The following SMYD4 variants were observed in gnomAD, a reference collection of about 807,000 sequenced individuals.
SMYD4 encodes protein-lysine N-methyltransferase SMYD4.
In SMYD4, 68 loss-of-function variants were observed where a neutral mutation model predicts 72.8. The observed-to-expected ratio is 0.93, with a 90% CI of 0.77 to 1.14. SMYD4 has a LOEUF of 1.14. Ranked by LOEUF, SMYD4 falls within the 50% of genes most tolerant of loss-of-function variation. The pLI, the probability that SMYD4 is intolerant of heterozygous loss-of-function variation, is 0.00. For synonymous variants in SMYD4, 407 were observed against 388.6 expected, an observed-to-expected ratio of 1.05 and a Z score of -0.56; for missense variants, 984 against 1,003.7, an observed-to-expected ratio of 0.98 and a Z score of 0.27.
intron 7 of SMYD4, among the ~76,000 whole-genome samples, chr17:1,785,931 C>T (rs1013469196): frequency 6.6e-6 from 1 of 152,192 alleles, no homozygotes; most frequent in African/African-American, 2.4e-5. Flanking sequence ...GGGAAACCTC[C>T]GAGGTGGACA....
In SMYD4 at chr17:1,829,857, C is replaced by T. The variant is rs1009426847; in HGVS notation, c.-144G>A. The stretch of plus-strand genomic sequence containing the variant: ...CCCCTTGGCGCCCCGCTCCGCCCCG[C>T]ACCGCGTCCGGCGTCCCGCGCCAGG... On this transcript the variant is annotated 5_prime_UTR_variant, in exon 1 of 11. Coordinates refer to ENST00000305513, the MANE Select transcript of SMYD4 (RefSeq NM_052928.3). 2.4e-5 allele frequency: 8 copies of T among 336,498 alleles called. No homozygotes were observed. Among genetic ancestry groups the T allele is most frequent in the African/African-American group, 1.7e-4 (8 of 46,094 alleles). 20.8% of individuals were successfully genotyped at this position (336,498 alleles called of 1,614,324 possible).
At chr17:1,781,612 GA>G (rs1373884996) in intron 10 of SMYD4, 173 bp from the exon 11 acceptor site, 2 of 600,440 alleles carry the variant, frequency 3.3e-6, no homozygotes, top group Non-Finnish European at 5.2e-6. Context: ...AAAAGTGTGA[GA>G]AAACAGTTAT....
At chr17:1,785,492 C>T (rs1436053174) in intron 7 of SMYD4, among the ~76,000 whole-genome samples, 1 of 150,910 alleles carries the variant, frequency 6.6e-6, no homozygotes, top group Non-Finnish European at 1.5e-5. Flanking sequence ...GTGGCTCACG[C>T]CTGTAATCCC....
intron 2 of SMYD4, among the ~76,000 whole-genome samples, chr17:1,822,450 T>C (rs1910945838): frequency 6.6e-6 from 1 of 152,172 alleles, no homozygotes; most frequent in African/African-American, 2.4e-5. Flanking sequence ...AGGCATCTGG[T>C]CTACATAGTT....
intron 2 of SMYD4, among the ~76,000 whole-genome samples, chr17:1,827,308 T>C (rs1911234014): frequency 1.3e-5 from 2 of 148,868 alleles, no homozygotes; most frequent in South Asian, 4.2e-4. Flanking sequence ...CACTGCACTC[T>C]AGCCTGGGTG....
At chr17:1,784,525 A>T (rs1908548775) in intron 7 of SMYD4, 64 bp from the exon 8 acceptor site, 1 of 1,597,178 alleles carries the variant, frequency 6.3e-7, no homozygotes, top group African/African-American at 1.3e-5. Flanking sequence ...GCCTGTGCTT[A>T]CATTACAGGA....
In SMYD4 at chr17:1,787,570, C is replaced by G; in HGVS notation, c.1572G>C (p.Gln524His). 1.3e-6 allele frequency: 2 copies of G among 1,595,288 alleles called. No homozygotes were observed. The highest frequency in any genetic ancestry group is 1.7e-6 in the Non-Finnish European group (2 of 1,171,084). ...GGAAGATGCCTGTGGCAAGGCGCAC[C>G]TGCCTGCTGTCGGTAACGATGCTCC... ...PKGSIVTDSR[Q>H]VRLATGIFPV... The change falls in exon 6 of 11, where the codon CAG becomes CAC. Residue 524 changes from glutamine (Q) to histidine (H), a missense_variant. Physicochemically the swap from Gln to His is conservative, Grantham distance 24 (BLOSUM62 0). Transcript: ENST00000305513.
chr17:1,789,755 ACT>A (rs1320749266), intron 5 of SMYD4, among the ~76,000 whole-genome samples: 6 of 148,458 alleles, frequency 4.0e-5, no homozygotes, highest in African/African-American at 1.0e-4. Flanking sequence ...AAAGAGCGAG[ACT>A]CTGTCTCAAA....
chr17:1,786,902 C>A lies in SMYD4; in HGVS notation c.1792G>T (p.Ala598Ser), dbSNP rs375624525. Residue 598 changes from alanine to serine, a missense_variant, in exon 7 of 11, where the codon GCC becomes TCC. By Grantham distance (99) the Ala-to-Ser change is moderately conservative. Transcript: ENST00000305513. ...KLRSQYFFDCACPACQTEAHR... is the reference protein window; with the variant it reads ...KLRSQYFFDCSCPACQTEAHR... ...GCCTCAGTTTGACAAGCTGGACAGG[C>A]GCAGTCAAAGAAATACTGAGACCTC... 1.2e-6 allele frequency: 2 copies of A among 1,614,218 alleles called. No homozygotes were observed. The highest frequency in any genetic ancestry group is 2.2e-5 in the East Asian group (1 of 44,890).
intron 5 of SMYD4, among the ~76,000 whole-genome samples, chr17:1,795,194 G>A (rs374959960): frequency 4.0e-5 from 6 of 148,754 alleles, no homozygotes; most frequent in Admixed American, 1.3e-4. Flanking sequence ...TTCCCAGTGG[G>A]TGGGGTCTTG....
At chr17:1,789,248 C>T (rs1161092335) in intron 5 of SMYD4, among the ~76,000 whole-genome samples, 11 of 152,012 alleles carry the variant, frequency 7.2e-5, no homozygotes, top group Non-Finnish European at 2.9e-5. Context: ...ATTAGCTGGG[C>T]ATGGTGGCAT....
At chr17:1,804,345 C>T (rs1167403288) in intron 4 of SMYD4, 1 of 305,072 alleles carries the variant, frequency 3.3e-6, no homozygotes, top group Non-Finnish European at 6.5e-6. Flanking sequence ...TAATTTTTAT[C>T]CCTGTATTTT....
At chr17:1,804,581 G>T in intron 4 of SMYD4, 45 bp downstream of exon 4, 2 of 1,548,340 alleles carry the variant, frequency 1.3e-6, no homozygotes, top group Non-Finnish European at 1.8e-6. Flanking sequence ...CCAGTAAGAA[G>T]CCCTCCGGAT....
intron 2 of SMYD4, 113 bp downstream of exon 2, chr17:1,827,747 GA>G: frequency 7.4e-7 from 1 of 1,353,220 alleles, no homozygotes. Flanking sequence ...ACCAGCCTGG[GA>G]AACAAGCAAG....
rs763213960 is a variant in SMYD4, at chr17:1,800,682, A to C, written c.712T>G (p.Cys238Gly). The C allele has an allele frequency of 9.9e-6, 16 of 1,614,238 alleles. No homozygotes were observed. Among genetic ancestry groups the C allele is most frequent in the African/African-American group, 1.3e-5 (1 of 75,076 alleles). The stretch of plus-strand genomic sequence containing the variant: ...CAGCGACCTTTTAAAGGATCTACGC[A>C]TAAGCCGATGGATGATGAGGCATTG... ...LSNASSSIGL[C>G]VDPLKGRCLV... The change falls in exon 5 of 11, where the codon TGC becomes GGC. Residue 238 changes from cysteine (C) to glycine (G), a missense_variant. Cys to Gly is a radical substitution (Grantham distance 159, BLOSUM62 -3). Coordinates refer to ENST00000305513, the MANE Select transcript of SMYD4 (RefSeq NM_052928.3).
At chr17:1,817,379 C>G (rs1438675434) in intron 2 of SMYD4, among the ~76,000 whole-genome samples, 1 of 152,092 alleles carries the variant, frequency 6.6e-6, no homozygotes. Flanking sequence ...CTCTGTCGCC[C>G]AGGCTGGAGT....
intron 5 of SMYD4, among the ~76,000 whole-genome samples, chr17:1,790,994 G>A (rs1225093046): frequency 6.6e-6 from 1 of 151,360 alleles, no homozygotes; most frequent in African/African-American, 2.4e-5. Context: ...GGGCATGGTG[G>A]TGGGCGCCTG....
intron 5 of SMYD4, among the ~76,000 whole-genome samples, chr17:1,794,388 G>A (rs1909284241): frequency 6.6e-6 from 1 of 150,884 alleles, no homozygotes. Context: ...CATAGTGCTG[G>A]GATTACAGGC....
At position 1,804,684 on chromosome 17, in the gene SMYD4, TC is replaced by T; in HGVS notation, c.310del (p.Asp104ThrfsTer76). On this transcript the variant is annotated frameshift_variant, in exon 4 of 11. Coordinates refer to ENST00000305513, the MANE Select transcript of SMYD4 (RefSeq NM_052928.3). LOFTEE classifies it high-confidence loss of function. ...GCGGTTAGCATGACACAGTGACATGTCCTCAGTGTTAGGCCTTGAATGTGAC... is the reference window on the plus strand; with the variant it reads ...GCGGTTAGCATGACACAGTGACATGTCTCAGTGTTAGGCCTTGAATGTGAC... ...GVSHSRPNTE[D>X]MSLCHANRSA... 6.2e-7 allele frequency: 1 copy of T among 1,613,668 alleles called. No homozygotes were observed.
Sources: gnomAD v4.1 joint callset for allele counts (sites outside exome capture counted in the v4.1 genomes callset) on GRCh38, gnomAD v4.1.1 for gene constraint, MANE v1.5 for transcripts, NCBI Gene and HGNC (gene_info 2026-07-23, HGNC 2026-07-21) for gene names.